Variants in LIME1 observed in about 807,000 individuals in gnomAD.
The protein encoded by LIME1 is lck-interacting transmembrane adapter 1.
Under a neutral mutation model 18.8 loss-of-function variants are expected in LIME1, and 23 were observed. The ratio of observed to expected loss-of-function variants is 1.22; its 90% CI spans 0.88 to 1.73. The LOEUF (loss-of-function observed/expected upper bound fraction) is 1.73. LIME1 is among the 40% of genes most tolerant of loss of function. The pLI is 0.00. For missense variants in LIME1, 423 were observed against 396.8 expected, an observed-to-expected ratio of 1.07 and a Z score of -0.56; for synonymous variants, 177 against 182.3, an observed-to-expected ratio of 0.97 and a Z score of 0.23.
chr20:63,737,003 G>T, intron 1 of LIME1: 1 of 986,072 alleles, frequency 1.0e-6, no homozygotes, highest in Non-Finnish European at 1.2e-6. Flanking sequence ...GGGGGCATCA[G>T]CACCCCCAGC....
At chr20:63,738,121 C>A in intron 4 of LIME1, 61 bp downstream of exon 4, 1 of 1,525,088 alleles carries the variant, frequency 6.6e-7, no homozygotes, top group South Asian at 1.2e-5. Context: ...CGTGCCAACC[C>A]CTGGGCCAGA....
In LIME1 at chr20:63,738,306, C is replaced by T; in HGVS notation, c.392C>T (p.Ala131Val). Residue 131 changes from alanine (A) to valine (V), a missense_variant, in exon 5 of 6, where the codon GCA becomes GTA. Coordinates refer to ENST00000309546, the MANE Select transcript of LIME1 (RefSeq NM_017806.4). ...CAGGAGCTGCCCCGGGCTCTGCCGG[C>T]AGCTGCAGCCACCGCAGGGTGCGCT... ...PHQELPRALPAAAATAGCAGL... is the reference protein window; with the variant it reads ...PHQELPRALPVAAATAGCAGL... The T allele has an allele frequency of 6.4e-7, 1 of 1,564,586 alleles. No individual in the cohort carries two copies.
intron 1 of LIME1, chr20:63,737,110 G>C: frequency 1.0e-6 from 1 of 991,176 alleles, no homozygotes; most frequent in African/African-American, 1.7e-5. Flanking sequence ...GGGCTCCGCA[G>C]CGAGCGGCTT....
chr20:63,737,970 C>CAGTCCCT lies in LIME1; in HGVS notation c.181-1_186dup. On this transcript the variant is annotated splice_polypyrimidine_tract_variant and splice_region_variant and intron_variant, in intron 3 of 5. Transcript: ENST00000309546. ...GGCACCGACCAGCCTTCCTCGCCCC[C>CAGTCCCT]AGTCCCTACTGAGGCGGACCCACCT... 3.8e-6 allele frequency: 6 copies of CAGTCCCT among 1,571,676 alleles called. No individual in the cohort carries two copies. Among genetic ancestry groups the CAGTCCCT allele is most frequent in the Non-Finnish European group, 4.3e-6 (5 of 1,160,764 alleles).
At position 63,738,247 on chromosome 20, in the gene LIME1, C is replaced by T; in HGVS notation, c.333C>T (p.Thr111=). 1.9e-6 allele frequency: 3 copies of T among 1,590,360 alleles called. No homozygotes were observed. Among genetic ancestry groups the T allele is most frequent in the South Asian group, 1.1e-5 (1 of 88,418 alleles). The stretch of plus-strand genomic sequence containing the variant: ...GGCTGGAGGTGTCCAGGGACATCAC[C>T]GGACCGCAGGCAGCCCCCTCTGCCT... ...PHWLEVSRDI[T]GPQAAPSAFP... The change falls in exon 5 of 6, where the codon ACC becomes ACT. Residue 111 remains threonine, a synonymous_variant. Transcript: ENST00000309546.
intron 2 of LIME1, 86 bp from the exon 3 acceptor site, chr20:63,737,735 G>A: frequency 2.1e-6 from 3 of 1,419,600 alleles, no homozygotes; most frequent in East Asian, 2.7e-5. Context: ...GCAGGTCCGC[G>A]CACCCAGCTC....
intron 1 of LIME1, 43 bp downstream of exon 1, chr20:63,736,755 G>A: frequency 1.0e-5 from 10 of 985,816 alleles, no homozygotes; most frequent in Non-Finnish European, 1.2e-5. Context: ...GGGAGGCCTT[G>A]GGATGTGGCT....
rs954194272 is a variant in LIME1, at chr20:63,739,052, G to A, written c.*152G>A. 3.6e-5 allele frequency: 24 copies of A among 670,912 alleles called. No individual in the cohort carries two copies. Among genetic ancestry groups the A allele is most frequent in the Middle Eastern group, 4.0e-4 (1 of 2,476 alleles). The allele number at this position is 670,912 out of a possible 1,614,324, so 41.6% of individuals were successfully genotyped here. On this transcript the variant is annotated 3_prime_UTR_variant, in exon 6 of 6. Transcript: ENST00000309546. Reference sequence around the variant, plus strand: ...CGCTCTGACAGCCGCGGCCTCCCCGGGCTCCAGAGAAGGCCCGCGTCTAAA... The same window carrying A: ...CGCTCTGACAGCCGCGGCCTCCCCGAGCTCCAGAGAAGGCCCGCGTCTAAA...
At chr20:63,738,125 G>T in intron 4 of LIME1, 58 bp from the exon 5 acceptor site, 1 of 1,526,428 alleles carries the variant, frequency 6.6e-7, no homozygotes, top group South Asian at 1.2e-5. Flanking sequence ...CCAACCCCTG[G>T]GCCAGACCCG....
chr20:63,738,721 A>G lies in LIME1; in HGVS notation c.709A>G (p.Thr237Ala), dbSNP rs1368730274. 3.1e-6 allele frequency: 5 copies of G among 1,612,680 alleles called. No homozygotes were observed. The highest frequency in any genetic ancestry group is 3.4e-6 in the Non-Finnish European group (4 of 1,179,848). Residue 237 changes from threonine (T) to alanine (A), a missense_variant, in exon 6 of 6, where the codon ACC becomes GCC. Transcript: ENST00000309546. ...LALAGDLAYQ[T>A]LPLRALDVDS... ...CCTGGCGGGTGACCTGGCCTACCAG[A>G]CCCTCCCGCTCAGGGCCCTGGATGT...
chr20:63,739,039 C>G lies in LIME1; in HGVS notation c.*139C>G, dbSNP rs1469548067. On this transcript the variant is annotated 3_prime_UTR_variant, in exon 6 of 6. Transcript: ENST00000309546. ...GTGAGGTCCTGGCCGCTCTGACAGC[C>G]GCGGCCTCCCCGGGCTCCAGAGAAG... The G allele has an allele frequency of 2.7e-6, 2 of 732,570 alleles. No homozygotes were observed. Among genetic ancestry groups the G allele is most frequent in the Non-Finnish European group, 4.2e-6 (2 of 473,470 alleles). The allele number at this position is 732,570 out of a possible 1,614,324, so 45.4% of individuals were successfully genotyped here.
At chr20:63,737,764 G>C (rs1386849453) in intron 2 of LIME1, 57 bp from the exon 3 acceptor site, 7 of 1,420,186 alleles carry the variant, frequency 4.9e-6, no homozygotes, top group African/African-American at 1.5e-5. Flanking sequence ...CGCCTGCACC[G>C]GGCCTTGGAC....
At position 63,737,886 on chromosome 20, in the gene LIME1, C is replaced by A. The variant is rs751947812; in HGVS notation, c.164C>A (p.Ala55Glu). The change falls in exon 3 of 6, where the codon GCG becomes GAG. Residue 55 changes from alanine (A) to glutamate (E), a missense_variant. By Grantham distance (107) the Ala-to-Glu change is moderately radical. Coordinates refer to ENST00000309546, the MANE Select transcript of LIME1 (RefSeq NM_017806.4). ...RRQRARLQGS[A>E]TAAEASLLRR... The stretch of plus-strand genomic sequence containing the variant: ...CAGCGGGCGAGGCTGCAGGGCAGTG[C>A]GACGGCGGCGGAAGCGGTGAGTGCC... 76 of 1,579,112 alleles carry A rather than the reference C, an allele frequency of 4.8e-5. No individual in the cohort carries two copies. Among genetic ancestry groups the A allele is most frequent in the Middle Eastern group, 1.8e-4 (1 of 5,412 alleles).
chr20:63,737,253 T>C (rs1151623), intron 1 of LIME1: 896,293 of 1,192,320 alleles, frequency 0.75, 339,235 homozygotes, highest in Middle Eastern at 0.78. Flanking sequence ...CACAGCTGTC[T>C]TGCCCCTCCT....
intron 1 of LIME1, 55 bp from the exon 2 acceptor site, chr20:63,737,478 A>G: frequency 7.1e-7 from 1 of 1,405,062 alleles, no homozygotes; most frequent in Non-Finnish European, 9.3e-7. Context: ...TGGGGCTGCC[A>G]GGTGGCGCCA....
At chr20:63,738,569 C>T in intron 5 of LIME1, 29 bp from the exon 6 acceptor site, 1 of 1,532,574 alleles carries the variant, frequency 6.5e-7, no homozygotes, top group Non-Finnish European at 8.8e-7. Flanking sequence ...TGGTGCTGAC[C>T]CCTCCTCGGG....
chr20:63,737,831 G>C lies in LIME1; in HGVS notation c.109G>C (p.Ala37Pro). The C allele has an allele frequency of 6.7e-7, 1 of 1,494,524 alleles. No individual in the cohort carries two copies. The highest frequency in any genetic ancestry group is 2.5e-5 in the East Asian group (1 of 40,348). 92.6% of individuals were successfully genotyped at this position (1,494,524 alleles called of 1,614,324 possible). A position where few individuals can be genotyped will look rare whatever the true frequency, so the allele number is the denominator to read the frequency against. The change falls in exon 3 of 6, where the codon GCT becomes CCT. Residue 37 changes from alanine (A) to proline (P), a missense_variant. Coordinates refer to ENST00000309546, the MANE Select transcript of LIME1 (RefSeq NM_017806.4). Reference protein sequence around the residue: ...LCTACRRPEDAVAPRKRARRQ... With the variant: ...LCTACRRPEDPVAPRKRARRQ... Reference sequence around the variant, plus strand: ...ACCTCTACCCCCAAGGCCCGAGGACGCTGTAGCCCCCAGGAAGAGGGCGCG... The same window carrying C: ...ACCTCTACCCCCAAGGCCCGAGGACCCTGTAGCCCCCAGGAAGAGGGCGCG...
upstream of LIME1, chr20:63,735,916 C>T (rs1261009197): frequency 6.2e-7 from 1 of 1,611,430 alleles, no homozygotes; most frequent in South Asian, 1.1e-5. Context: ...TGACTGAGTT[C>T]TAGAGACCCC....
At chr20:63,736,464 G>A (rs143824758), upstream of LIME1, 6 of 265,072 alleles carry the variant, frequency 2.3e-5, no homozygotes, top group East Asian at 1.8e-4. Context: ...GTCTTCGTGT[G>A]TGGAGGGGTT....
Sources: gnomAD v4.1 joint callset for allele counts on GRCh38, gnomAD v4.1.1 for gene constraint, MANE v1.5 for transcripts, NCBI Gene and HGNC (gene_info 2026-07-23, HGNC 2026-07-21) for gene names.